ADCY2: variants seen among roughly 807,000 people sequenced by gnomAD.
ADCY2 encodes adenylate cyclase type 2.
ADCY2 carries 31 observed loss-of-function variants against 125.2 expected under a neutral mutation model. That is an observed-to-expected ratio of 0.25 (90% CI 0.19 to 0.33). ADCY2 has a LOEUF of 0.33. ADCY2 is among the 10% of genes least tolerant of loss of function. ADCY2 has a pLI of 1.00. For synonymous variants in ADCY2, 512 were observed against 548.4 expected (o/e 0.93, Z 0.93); for missense variants, 904 against 1,418.2 (o/e 0.64, Z 5.82).
chr5:7,484,843 A>G (rs921883764), intron 2 of ADCY2, among the ~76,000 whole-genome samples: 1 of 152,158 alleles, frequency 6.6e-6, no homozygotes, highest in African/African-American at 2.4e-5. Flanking sequence ...TACTTCTTAC[A>G]TGTTAAAATT....
rs572723046 is a variant in ADCY2 at position 7,455,426 on chromosome 5, C to T, written c.408+40656C>T. ...ACTATGGACATTTGAGGGAAAAGTT[C>T]TCACTAAATGTGATATCACACATTA... On this transcript the variant is annotated intron_variant, in intron 2 of 24. Transcript: ENST00000338316. Among the ~76,000 whole-genome samples, 5 of 152,148 alleles carry T rather than the reference C, an allele frequency of 3.3e-5. 1 individual carries two copies. The South Asian group carries it at 8.3e-4, about 25-fold the overall frequency.
At position 7,579,938 on chromosome 5, in the gene ADCY2, C is replaced by T. The variant is rs557995163; in HGVS notation, c.571-46229C>T. Reference sequence around the variant, plus strand: ...GCATTGAATTCCACAGAGCCATAAACAAGAACAAAATCATGTGTTTTGCAG... The same window carrying T: ...GCATTGAATTCCACAGAGCCATAAATAAGAACAAAATCATGTGTTTTGCAG... On this transcript the variant is annotated intron_variant, in intron 3 of 24. Transcript: ENST00000338316. Among the ~76,000 whole-genome samples the T allele has an allele frequency of 6.6e-5, 10 of 152,288 alleles. No individual in the cohort carries two copies. In the South Asian group the frequency reaches 2.1e-3, roughly 32 times the overall value.
chr5:7,733,384 G>A (rs139036196), intron 14 of ADCY2, among the ~76,000 whole-genome samples: 400 of 152,208 alleles, frequency 2.6e-3, no homozygotes, highest in African/African-American at 9.3e-3. Context: ...TTAGATATAA[G>A]GAGTTGAGAA....
At chr5:7,447,409 T>G (rs1012717743) in intron 2 of ADCY2, among the ~76,000 whole-genome samples, 2 of 152,098 alleles carry the variant, frequency 1.3e-5, no homozygotes, top group Admixed American at 6.5e-5. Context: ...AAAGCAAGTC[T>G]CTTATAGGGA....
chr5:7,600,404 T>C (rs1243289663), intron 3 of ADCY2, among the ~76,000 whole-genome samples: 3 of 152,180 alleles, frequency 2.0e-5, no homozygotes, highest in East Asian at 3.9e-4. Flanking sequence ...ATTGGAGCCA[T>C]TGGCAAAACC....
intron 6 of ADCY2, among the ~76,000 whole-genome samples, chr5:7,696,945 A>C (rs1740913464): frequency 6.6e-6 from 1 of 152,252 alleles, no homozygotes; most frequent in Non-Finnish European, 1.5e-5. Context: ...TTTGAAACTT[A>C]AATGATGCCT....
At chr5:7,513,586 A>G (rs1744155216) in intron 2 of ADCY2, among the ~76,000 whole-genome samples, 2 of 152,212 alleles carry the variant, frequency 1.3e-5, no homozygotes, top group East Asian at 3.9e-4. Flanking sequence ...AGAAAACATT[A>G]CTTTGAACTT....
intron 18 of ADCY2, among the ~76,000 whole-genome samples, chr5:7,780,768 A>G (rs1454968896): frequency 6.7e-6 from 1 of 149,782 alleles, no homozygotes; most frequent in East Asian, 1.9e-4. Context: ...TTCCCTCCTG[A>G]GAATCATGAA....
Position 7,593,844 on chromosome 5 carries a change from G to C in ADCY2, c.571-32323G>C, listed in dbSNP as rs141518707. Reference sequence around the variant, plus strand: ...ATGACAGAGTGTCACACTTCTGTAAGAAGAAAAGTAAAGCAGGAAACGCTA... The same window carrying C: ...ATGACAGAGTGTCACACTTCTGTAACAAGAAAAGTAAAGCAGGAAACGCTA... On this transcript the variant is annotated intron_variant, in intron 3 of 24. Coordinates refer to ENST00000338316, the MANE Select transcript of ADCY2 (RefSeq NM_020546.3). Among the ~76,000 whole-genome samples, 26 of 152,268 alleles carry C rather than the reference G, an allele frequency of 1.7e-4. No homozygotes were observed. The East Asian group carries it at 4.8e-3, about 28-fold the overall frequency.
In ADCY2 at chr5:7,557,179, ATAT is replaced by A. The variant is rs1227087112; in HGVS notation, c.570+36284_570+36286del. ...TTATAGATATATATAATAATCACACATATTATATATGTGATATATATAACTCAA... is the reference window on the plus strand; with the variant it reads ...TTATAGATATATATAATAATCACACATATATATGTGATATATATAACTCAA... On this transcript the variant is annotated intron_variant, in intron 3 of 24. Transcript: ENST00000338316. Among the ~76,000 whole-genome samples the A allele has an allele frequency of 5.3e-3, 680 of 127,396 alleles. 5 individuals carry two copies. The highest frequency in any genetic ancestry group is 0.017 in the African/African-American group (636 of 37,826). 83.6% of individuals were successfully genotyped at this position (127,396 alleles called of 152,430 possible). A position where few individuals can be genotyped will look rare whatever the true frequency, so the allele number is the denominator to read the frequency against.
chr5:7,715,964 C>T (rs1433956481), intron 11 of ADCY2, among the ~76,000 whole-genome samples: 1 of 152,134 alleles, frequency 6.6e-6, no homozygotes, highest in Non-Finnish European at 1.5e-5. Flanking sequence ...ATGCCTAAAC[C>T]ATGATATAGG....
At chr5:7,595,021 G>A (rs1449259227) in intron 3 of ADCY2, among the ~76,000 whole-genome samples, 2 of 152,180 alleles carry the variant, frequency 1.3e-5, no homozygotes, top group Non-Finnish European at 2.9e-5. Context: ...TTCTAAATTG[G>A]TTTGCCTTCC....
At chr5:7,790,564 T>C (rs777523641) in intron 20 of ADCY2, among the ~76,000 whole-genome samples, 2 of 152,256 alleles carry the variant, frequency 1.3e-5, no homozygotes, top group Admixed American at 1.3e-4. Context: ...GCATCCACAG[T>C]ACGCAAAGCC....
chr5:7,819,766 G>A (rs979308651), intron 23 of ADCY2, among the ~76,000 whole-genome samples: 3 of 152,198 alleles, frequency 2.0e-5, no homozygotes, highest in Admixed American at 6.5e-5. Context: ...CAACAAAAGC[G>A]ATGGGACAAA....
intron 1 of ADCY2, among the ~76,000 whole-genome samples, chr5:7,407,550 C>G (rs1030574289): frequency 6.6e-6 from 1 of 152,114 alleles, no homozygotes; most frequent in Non-Finnish European, 1.5e-5. Flanking sequence ...GACACACAGC[C>G]AAACCGTATC....
At chr5:7,628,999 A>T (rs1738221989) in intron 4 of ADCY2, among the ~76,000 whole-genome samples, 1 of 152,148 alleles carries the variant, frequency 6.6e-6, no homozygotes, top group South Asian at 2.1e-4. Context: ...CTTCCTGCTC[A>T]CCCTGCACCA....
chr5:7,451,484 A>T (rs1186500043), intron 2 of ADCY2, among the ~76,000 whole-genome samples: 2 of 152,240 alleles, frequency 1.3e-5, no homozygotes, highest in African/African-American at 4.8e-5. Context: ...GTTGTTTCTT[A>T]TGGATGAGCA....
chr5:7,510,823 A>G (rs4263480), intron 2 of ADCY2, among the ~76,000 whole-genome samples: 52,184 of 152,076 alleles, frequency 0.34, 9,119 homozygotes, highest in African/African-American at 0.4. Context: ...ACTTACTTAC[A>G]GTGTGTGTGT....
At chr5:7,703,722 C>A (rs1222295546) in intron 7 of ADCY2, among the ~76,000 whole-genome samples, 1 of 151,994 alleles carries the variant, frequency 6.6e-6, no homozygotes, top group South Asian at 2.1e-4. Flanking sequence ...TTTTTTGGTT[C>A]CATATGAACT....
Sources: gnomAD v4.1 joint callset for allele counts (sites outside exome capture counted in the v4.1 genomes callset) on GRCh38, gnomAD v4.1.1 for gene constraint, MANE v1.5 for transcripts, NCBI Gene and HGNC (gene_info 2026-07-23, HGNC 2026-07-21) for gene names.